The following KIAA0319L variants were observed in gnomAD, a reference collection of about 807,000 sequenced individuals.
KIAA0319L encodes the protein dyslexia-associated protein KIAA0319-like protein.
Under a neutral mutation model 120.1 loss-of-function variants are expected in KIAA0319L, and 55 were observed. The ratio of observed to expected loss-of-function variants is 0.46; its 90% CI spans 0.37 to 0.57. KIAA0319L has a LOEUF of 0.57. KIAA0319L is among the 20% of genes least tolerant of loss of function. The pLI is 0.00. For synonymous variants in KIAA0319L, 398 were observed against 471.9 expected, an observed-to-expected ratio of 0.84 and a Z score of 2.03; for missense variants, 1,049 against 1,255.3, an observed-to-expected ratio of 0.84 and a Z score of 2.48.
At position 35,479,232 on chromosome 1, in the gene KIAA0319L, A is replaced by G. The variant is rs1379641543; in HGVS notation, c.667-20T>C. On this transcript the variant is annotated intron_variant, in intron 3 of 20. Transcript: ENST00000325722. The stretch of plus-strand genomic sequence containing the variant: ...GTGGACCTAAAGAAATAAAAAAACT[A>G]ATTTGAGTAGGTAAAAGTTACATAA... The G allele has an allele frequency of 3.1e-6, 5 of 1,596,740 alleles. No homozygotes were observed. Among genetic ancestry groups the G allele is most frequent in the Non-Finnish European group, 4.3e-6 (5 of 1,167,820 alleles).
intron 3 of KIAA0319L, among the ~76,000 whole-genome samples, chr1:35,501,972 G>A (rs775789087): frequency 5.3e-5 from 8 of 151,588 alleles, no homozygotes; most frequent in Non-Finnish European, 1.2e-4. Flanking sequence ...TGTTGCCTGA[G>A]TTTCCTCATT....
chr1:35,473,312 G>T (rs1643755436), intron 5 of KIAA0319L, among the ~76,000 whole-genome samples: 1 of 151,680 alleles, frequency 6.6e-6, no homozygotes, highest in Non-Finnish European at 1.5e-5. Context: ...TGGCCAGGCT[G>T]GTCTTGAACT....
intron 9 of KIAA0319L, among the ~76,000 whole-genome samples, chr1:35,458,899 T>C (rs1174107317): frequency 6.6e-6 from 1 of 151,764 alleles, no homozygotes; most frequent in Non-Finnish European, 1.5e-5. Context: ...CCAATCTTGT[T>C]GTACTGGCAG....
Position 35,557,342 on chromosome 1 carries a change from C to A in KIAA0319L, c.-164G>T, listed in dbSNP as rs1018299653. The A allele has an allele frequency of 1.4e-5, 4 of 279,148 alleles. No individual in the cohort carries two copies. The highest frequency in any genetic ancestry group is 1.4e-4 in the East Asian group (1 of 6,998). The allele number at this position is 279,148 out of a possible 1,614,324, so 17.3% of individuals were successfully genotyped here. A position where few individuals can be genotyped will look rare whatever the true frequency, so the allele number is the denominator to read the frequency against. Reference sequence around the variant, plus strand: ...AGGAAGAGGAAGAAGGTAGTGCGGGCTCCCCACCCGGACAGCTACCTCTCG... The same window carrying A: ...AGGAAGAGGAAGAAGGTAGTGCGGGATCCCCACCCGGACAGCTACCTCTCG... On this transcript the variant is annotated 5_prime_UTR_variant, in exon 1 of 21. Coordinates refer to ENST00000325722, the MANE Select transcript of KIAA0319L (RefSeq NM_024874.5).
chr1:35,460,551 A>G, intron 8 of KIAA0319L, 114 bp from the exon 9 acceptor site: 1 of 874,848 alleles, frequency 1.1e-6, no homozygotes, highest in Admixed American at 2.5e-5. Context: ...AAACTTCATG[A>G]AATTACAGAC....
intron 16 of KIAA0319L, among the ~76,000 whole-genome samples, chr1:35,445,866 T>C (rs543929707): frequency 6.6e-6 from 1 of 152,324 alleles, no homozygotes; most frequent in East Asian, 1.9e-4. Context: ...CTCTTGCTCA[T>C]GCCCCCTATG....
intron 2 of KIAA0319L, among the ~76,000 whole-genome samples, chr1:35,517,818 T>C (rs2148433746): frequency 6.6e-6 from 1 of 152,308 alleles, no homozygotes; most frequent in East Asian, 1.9e-4. Context: ...TTGCAAACTA[T>C]GCATCTGACA....
At chr1:35,473,195 A>C (rs746372470) in intron 5 of KIAA0319L, among the ~76,000 whole-genome samples, 3 of 148,476 alleles carry the variant, frequency 2.0e-5, no homozygotes, top group Non-Finnish European at 3.0e-5. Flanking sequence ...TCCTGGGTTC[A>C]AGCGATTCTC....
chr1:35,508,246 C>T lies in KIAA0319L; in HGVS notation c.143-1111G>A, dbSNP rs558730116. On this transcript the variant is annotated intron_variant, in intron 2 of 20. Transcript: ENST00000325722. ...ATTCTGTGTTCTGGGCACCTCTCTC[C>T]TTACCCTAGTCCTGGCCCTGGGCTT... is the stretch of plus-strand genomic sequence containing the variant. 2.0e-5 allele frequency among the ~76,000 whole-genome samples: 3 copies of T among 152,298 alleles called. No homozygotes were observed. The South Asian group carries it at 6.2e-4, about 32-fold the overall frequency.
At chr1:35,452,219 A>G (rs2149091493) in intron 12 of KIAA0319L, among the ~76,000 whole-genome samples, 1 of 152,366 alleles carries the variant, frequency 6.6e-6, no homozygotes, top group South Asian at 2.1e-4. Flanking sequence ...TGATGAAAGA[A>G]AAGGAAATGG....
At chr1:35,501,308 T>C (rs1644996589) in intron 3 of KIAA0319L, among the ~76,000 whole-genome samples, 1 of 152,190 alleles carries the variant, frequency 6.6e-6, no homozygotes, top group African/African-American at 2.4e-5. Flanking sequence ...TTCTAACTTA[T>C]CCATTTCTAA....
chr1:35,453,692 G>A lies in KIAA0319L; in HGVS notation c.1781-3C>T, dbSNP rs752966960. On this transcript the variant is annotated splice_polypyrimidine_tract_variant and splice_region_variant and intron_variant, in intron 11 of 20. Coordinates refer to ENST00000325722, the MANE Select transcript of KIAA0319L (RefSeq NM_024874.5). This position sits in a 1 kb window ranked among gnomAD's most constrained non-coding sequence, Gnocchi z 4.1. The stretch of plus-strand genomic sequence containing the variant: ...TGCCTGAGGAGGCTTATTGTTTTCT[G>A]GAAGACAAAGAGTTAGAGGTCAAAA... 2.5e-6 allele frequency: 4 copies of A among 1,612,242 alleles called. No homozygotes were observed. The East Asian group carries it at 6.7e-5, about 27-fold the overall frequency.
chr1:35,494,646 GAA>G, intron 3 of KIAA0319L, among the ~76,000 whole-genome samples: 1 of 136,248 alleles, frequency 7.3e-6, no homozygotes. Context: ...ATAACAAAGG[GAA>G]AAAAAAAAAA....
intron 2 of KIAA0319L, among the ~76,000 whole-genome samples, chr1:35,514,434 G>C (rs544416006): frequency 1.3e-5 from 2 of 151,250 alleles, no homozygotes; most frequent in South Asian, 4.2e-4. Context: ...TGGCAACCTG[G>C]ATAAAAAACA....
rs542545023 is a variant in KIAA0319L, at chr1:35,501,806, A to T, written c.666+4806T>A. On this transcript the variant is annotated intron_variant, in intron 3 of 20. Coordinates refer to ENST00000325722, the MANE Select transcript of KIAA0319L (RefSeq NM_024874.5). ...GGCAGACGAATTGCTTGAACCCGGG[A>T]GGTGGAGGTTGCAGTGAGCCAAGAT... 2.1e-5 allele frequency among the ~76,000 whole-genome samples: 3 copies of T among 146,124 alleles called. No individual in the cohort carries two copies. In the South Asian group the frequency reaches 6.6e-4, roughly 32 times the overall value.
chr1:35,458,092 T>C (rs1287012622), intron 9 of KIAA0319L, among the ~76,000 whole-genome samples: 1 of 152,084 alleles, frequency 6.6e-6, no homozygotes, highest in Admixed American at 6.5e-5. Flanking sequence ...CCTGCCACCA[T>C]GCTCAGCTAA....
At chr1:35,531,889 T>C (rs890756673) in intron 2 of KIAA0319L, among the ~76,000 whole-genome samples, 4 of 152,108 alleles carry the variant, frequency 2.6e-5, no homozygotes, top group Admixed American at 6.5e-5. Context: ...CTAGCTTCTA[T>C]AAAAGAAATG....
intron 2 of KIAA0319L, among the ~76,000 whole-genome samples, chr1:35,528,814 T>C (rs887689396): frequency 6.6e-6 from 1 of 152,214 alleles, no homozygotes; most frequent in Non-Finnish European, 1.5e-5. Flanking sequence ...AGAATTGTTA[T>C]ATCCTATTGC....
At chr1:35,465,032 G>A (rs1643159233) in intron 7 of KIAA0319L, among the ~76,000 whole-genome samples, 1 of 152,258 alleles carries the variant, frequency 6.6e-6, no homozygotes, top group Non-Finnish European at 1.5e-5. Context: ...CTGCTGCAGA[G>A]GCGGGGCTCT....
Sources: gnomAD v4.1 joint callset for allele counts (sites outside exome capture counted in the v4.1 genomes callset) on GRCh38, gnomAD v4.1.1 for gene constraint, Gnocchi (gnomAD v3.1) non-coding constraint, MANE v1.5 for transcripts, NCBI Gene and HGNC (gene_info 2026-07-23, HGNC 2026-07-21) for gene names.